GALNT9: variants seen among roughly 807,000 people sequenced by gnomAD.
The protein encoded by GALNT9 is GalNAc transferase 9.
In GALNT9, 47 loss-of-function variants were observed where a neutral mutation model predicts 63.1. The ratio of observed to expected loss-of-function variants is 0.75; its 90% CI spans 0.59 to 0.95. The LOEUF is 0.95. Among genes scored for constraint, GALNT9 ranks in the 40% least tolerant of loss-of-function variants. GALNT9 has a pLI of 0.00. For synonymous variants in GALNT9, 396 were observed against 365.7 expected, an observed-to-expected ratio of 1.08 and a Z score of -0.94; for missense variants, 829 against 874.8, an observed-to-expected ratio of 0.95 and a Z score of 0.66.
At chr12:132,198,857 G>GC (rs1379510325) in intron 9 of GALNT9, among the ~76,000 whole-genome samples, 4 of 152,158 alleles carry the variant, frequency 2.6e-5, no homozygotes, top group African/African-American at 7.2e-5. Flanking sequence ...TCGCCACGCT[G>GC]CCCAGACTGG....
rs544022138 is a variant in GALNT9 at position 132,316,174 on chromosome 12, C to A, written c.238+12792G>T. On this transcript the variant is annotated intron_variant, in intron 1 of 10. Coordinates refer to ENST00000328957, the MANE Select transcript of GALNT9 (RefSeq NM_001122636.2). The surrounding 1 kb of genome is among the most constrained non-coding windows in gnomAD (Gnocchi z 4.3). ...TGGGAGGCGACCCCACAGACCCCAG[C>A]GTCCCAGTCCAGGCTCGGCTCTCCA... Among the ~76,000 whole-genome samples, 3 of 152,238 alleles carry A rather than the reference C, an allele frequency of 2.0e-5. No homozygotes were observed. The East Asian group carries it at 5.8e-4, about 29-fold the overall frequency.
At position 132,315,548 on chromosome 12, in the gene GALNT9, G is replaced by C. The variant is rs1466051556; in HGVS notation, c.238+13418C>G. Among the ~76,000 whole-genome samples the C allele has an allele frequency of 1.3e-5, 2 of 152,208 alleles. No homozygotes were observed. Among genetic ancestry groups the C allele is most frequent in the Non-Finnish European group, 2.9e-5 (2 of 68,042 alleles). On this transcript the variant is annotated intron_variant, in intron 1 of 10. Coordinates refer to ENST00000328957, the MANE Select transcript of GALNT9 (RefSeq NM_001122636.2). The surrounding 1 kb of genome is among the most constrained non-coding windows in gnomAD (Gnocchi z 6.1). ...CCGGAGCTGCACGCAGAGCTGATGC[G>C]ACTGAACTATTCTGTGGAAAGTAAA...
At chr12:132,262,059 C>T (rs532745959) in intron 3 of GALNT9, among the ~76,000 whole-genome samples, 2 of 152,328 alleles carry the variant, frequency 1.3e-5, no homozygotes, top group East Asian at 3.9e-4. Flanking sequence ...AAGGGGGTGG[C>T]TGACCCCAAC....
chr12:132,239,501 G>C lies in GALNT9; in HGVS notation c.1077+8409C>G, dbSNP rs2136897037. On this transcript the variant is annotated intron_variant, in intron 6 of 10. Transcript: ENST00000328957. ...AGAGACAGAGATACAGAGAGACAGA[G>C]AGAGACACACACACTGAGAGACTGA... 5.3e-5 allele frequency among the ~76,000 whole-genome samples: 8 copies of C among 151,168 alleles called. No individual in the cohort carries two copies. In the South Asian group the frequency reaches 1.7e-3, roughly 32 times the overall value.
chr12:132,308,331 T>C (rs1400570006), intron 1 of GALNT9, among the ~76,000 whole-genome samples: 1 of 152,220 alleles, frequency 6.6e-6, no homozygotes, highest in African/African-American at 2.4e-5. Context: ...CCGTCTGTGG[T>C]GAGCTGTGAC....
At chr12:132,306,912 G>A (rs28490534) in intron 1 of GALNT9, among the ~76,000 whole-genome samples, 121,984 of 152,138 alleles carry the variant, frequency 0.8, 49,074 homozygotes, top group East Asian at 1. Context: ...TTCTAATTAC[G>A]GGAGATAATC....
chr12:132,229,238 C>A (rs992125157), intron 6 of GALNT9, among the ~76,000 whole-genome samples: 1 of 152,240 alleles, frequency 6.6e-6, no homozygotes, highest in African/African-American at 2.4e-5. Context: ...GTCTTCTCCC[C>A]ACTTAGGCCT....
At chr12:132,324,368 G>A (rs1868939644) in intron 1 of GALNT9, among the ~76,000 whole-genome samples, 2 of 152,184 alleles carry the variant, frequency 1.3e-5, no homozygotes, top group South Asian at 2.1e-4. Context: ...CTCCGACGGC[G>A]CTGTCTGTGA....
intron 6 of GALNT9, among the ~76,000 whole-genome samples, chr12:132,222,575 C>T (rs1877491090): frequency 6.6e-6 from 1 of 152,148 alleles, no homozygotes; most frequent in Admixed American, 6.5e-5. Flanking sequence ...AGGGGCACCG[C>T]GAGCAGCAGC....
chr12:132,286,171 C>T lies in GALNT9; in HGVS notation c.419+79G>A, dbSNP rs1228537410. 2.1e-6 allele frequency: 3 copies of T among 1,405,108 alleles called. No individual in the cohort carries two copies. The highest frequency in any genetic ancestry group is 1.9e-6 in the Non-Finnish European group (2 of 1,062,018). The allele number at this position is 1,405,108 out of a possible 1,614,324, so 87.0% of individuals were successfully genotyped here. A position where few individuals can be genotyped will look rare whatever the true frequency, so the allele number is the denominator to read the frequency against. ...TCACTTCCCCGGCCGGCGTGGGGGG[C>T]AGTCACTTCCCTGGCCAGTGTGGGG... On this transcript the variant is annotated intron_variant, in intron 2 of 10. Coordinates refer to ENST00000328957, the MANE Select transcript of GALNT9 (RefSeq NM_001122636.2). The surrounding 1 kb of genome is among the most constrained non-coding windows in gnomAD (Gnocchi z 7.4).
intron 10 of GALNT9, 45 bp from the exon 11 acceptor site, chr12:132,197,298 G>C: frequency 6.3e-7 from 1 of 1,598,972 alleles, no homozygotes; most frequent in Non-Finnish European, 8.5e-7. Flanking sequence ...AGGCGTCCTT[G>C]TTCCCCCTCC....
intron 1 of GALNT9, among the ~76,000 whole-genome samples, chr12:132,325,727 C>T (rs113323536): frequency 1.3e-5 from 2 of 152,210 alleles, no homozygotes; most frequent in Admixed American, 1.3e-4. Flanking sequence ...GACCTGGGAC[C>T]TGGGCTAGGG....
At chr12:132,302,816 G>C (rs111442914) in intron 1 of GALNT9, among the ~76,000 whole-genome samples, 2,505 of 152,336 alleles carry the variant, frequency 0.016, 76 homozygotes, top group African/African-American at 0.057. Context: ...AAAGGGGACG[G>C]GACGGGGTGG....
At chr12:132,204,071 C>G (rs547368585) in intron 6 of GALNT9, among the ~76,000 whole-genome samples, 1 of 151,982 alleles carries the variant, frequency 6.6e-6, no homozygotes, top group Non-Finnish European at 1.5e-5. Context: ...CCCCAGCACC[C>G]GAACACACCA....
intron 6 of GALNT9, chr12:132,240,758 C>G (rs189508470): frequency 1.1e-5 from 5 of 455,308 alleles, no homozygotes; most frequent in Non-Finnish European, 2.2e-5. Context: ...TGATCACCAG[C>G]AGAATTGGAA....
intron 1 of GALNT9, among the ~76,000 whole-genome samples, chr12:132,292,253 A>G (rs1555242845): frequency 6.6e-6 from 1 of 152,160 alleles, no homozygotes; most frequent in South Asian, 2.1e-4. Flanking sequence ...CCTTCCTGCC[A>G]TCTACCCCAG....
chr12:132,225,709 C>T (rs1033092500), intron 6 of GALNT9, among the ~76,000 whole-genome samples: 19 of 140,874 alleles, frequency 1.3e-4, no homozygotes, highest in East Asian at 4.2e-4. Flanking sequence ...ACACACTGTA[C>T]GTACACACCC....
chr12:132,228,607 G>A (rs1036174719), intron 6 of GALNT9, among the ~76,000 whole-genome samples: 161 of 150,302 alleles, frequency 1.1e-3, no homozygotes, highest in African/African-American at 3.5e-3. Context: ...CCACCCCCCC[G>A]GCCCCAGACG....
At chr12:132,263,687 T>TG (rs1352737951) in intron 2 of GALNT9, among the ~76,000 whole-genome samples, 1 of 152,184 alleles carries the variant, frequency 6.6e-6, no homozygotes, top group Non-Finnish European at 1.5e-5. Context: ...GACAGCTCTA[T>TG]ACCAAGAACC....
Sources: allele counts gnomAD v4.1 joint callset (sites outside exome capture counted in the v4.1 genomes callset), GRCh38; gene constraint gnomAD v4.1.1; non-coding constraint Gnocchi (gnomAD v3.1); transcripts MANE v1.5; gene names NCBI Gene and HGNC (gene_info 2026-07-23, HGNC 2026-07-21).